The following STX1B variants were observed in gnomAD, a reference collection of about 807,000 sequenced individuals.
The protein encoded by STX1B is syntaxin 1B.
A neutral mutation model predicts 39.4 loss-of-function variants in STX1B; 7 were observed. The ratio of observed to expected loss-of-function variants is 0.18; its 90% confidence interval spans 0.10 to 0.33. The LOEUF (loss-of-function observed/expected upper bound fraction) is 0.33, where lower values mean the gene tolerates loss of function less well. Among genes scored for constraint, STX1B ranks in the 10% least tolerant of loss-of-function variants. The probability of loss-of-function intolerance (pLI) is 1.00; values close to 1 mark genes in which losing one functional copy is unlikely to be tolerated. For missense variants in STX1B, 198 were observed against 383.2 expected, an observed-to-expected ratio of 0.52 and a Z score of 4.04; for synonymous variants, 136 against 144.1, an observed-to-expected ratio of 0.94 and a Z score of 0.40.
intron 1 of STX1B, among the ~76,000 whole-genome samples, chr16:31,008,179 T>C (rs2056663760): frequency 6.6e-6 from 1 of 151,820 alleles, no homozygotes; most frequent in African/African-American, 2.4e-5. Context: ...GGCTCCTTGC[T>C]TTCAACTGTA....
chr16:31,002,062 C>G (rs2056632985), intron 1 of STX1B, among the ~76,000 whole-genome samples: 1 of 152,102 alleles, frequency 6.6e-6, no homozygotes, highest in East Asian at 1.9e-4. Context: ...CAGACATGTC[C>G]CCTGTGCAAG....
intron 7 of STX1B, among the ~76,000 whole-genome samples, chr16:30,994,892 C>CTTTTTTTTTTTTTTTTTTTTTTTTTTTTT (rs10524041): frequency 6.0e-5 from 6 of 99,822 alleles, no homozygotes; most frequent in South Asian, 2.8e-4. Flanking sequence ...GTCTCCCCGT[C>CTTTTTTTTTTTTTTTTTTTTTTTTTTTTT]TTTTTTTTTT....
chr16:30,992,954 G>T, intron 9 of STX1B, 53 bp from the exon 10 acceptor site: 1 of 1,494,950 alleles, frequency 6.7e-7, no homozygotes, highest in Middle Eastern at 1.7e-4. Flanking sequence ...ATCGACACAC[G>T]GACAGATGCA....
At chr16:30,994,522 C>T (rs564903499) in intron 7 of STX1B, among the ~76,000 whole-genome samples, 6 of 149,838 alleles carry the variant, frequency 4.0e-5, no homozygotes, top group South Asian at 2.1e-4. Flanking sequence ...CCCAGGAGGT[C>T]GAGGCTGCAG....
At chr16:31,002,643 A>C (rs77220844) in intron 1 of STX1B, among the ~76,000 whole-genome samples, 1 of 152,146 alleles carries the variant, frequency 6.6e-6, no homozygotes, top group South Asian at 2.1e-4. Context: ...GCTGTAGGGG[A>C]GGTGCCCTGT....
intron 1 of STX1B, among the ~76,000 whole-genome samples, chr16:31,003,424 T>G (rs905980282): frequency 6.6e-6 from 1 of 152,120 alleles, no homozygotes; most frequent in Non-Finnish European, 1.5e-5. Flanking sequence ...CTTCACTTTC[T>G]CTGTCCTCAA....
chr16:31,001,131 C>A lies in STX1B; in HGVS notation c.168G>T (p.Gln56His). The A allele has an allele frequency of 6.2e-7, 1 of 1,614,180 alleles. No homozygotes were observed. The highest frequency in any genetic ancestry group is 8.5e-7 in the Non-Finnish European group (1 of 1,180,032). ...TGGGTGCGGCCAGGATGGCGCTATGCTGTTTTTTCACCTGCTCCACATCCT... is the reference window on the plus strand; with the variant it reads ...TGGGTGCGGCCAGGATGGCGCTATGATGTTTTTTCACCTGCTCCACATCCT... ...LSEDVEQVKK[Q>H]HSAILAAPNP... The change falls in exon 3 of 10, where the codon CAG becomes CAT. Residue 56 changes from glutamine to histidine, a missense_variant. Gln to His is a conservative substitution (Grantham distance 24, BLOSUM62 0). Coordinates refer to ENST00000215095, the MANE Select transcript of STX1B (RefSeq NM_052874.5). The surrounding 1 kb of genome is among the most constrained non-coding windows in gnomAD (Gnocchi z 5.5).
rs186050757 is a variant in STX1B, at chr16:31,009,703, C to T, written c.30+664G>A. On this transcript the variant is annotated intron_variant, in intron 1 of 9. Transcript: ENST00000215095. ...CAGCCCTTGACTGCCCGGGGTGCCCCAGTTCCCCCAAGCAGAGCACGGCCC... is the reference window on the plus strand; with the variant it reads ...CAGCCCTTGACTGCCCGGGGTGCCCTAGTTCCCCCAAGCAGAGCACGGCCC... Among the ~76,000 whole-genome samples, 188 of 151,808 alleles carry T rather than the reference C, an allele frequency of 1.2e-3. 3 individuals carry two copies. In the East Asian group the frequency reaches 0.032, roughly 26 times the overall value.
At chr16:31,005,748 ACT>A (rs929457006) in intron 1 of STX1B, among the ~76,000 whole-genome samples, 1 of 151,976 alleles carries the variant, frequency 6.6e-6, no homozygotes, top group Non-Finnish European at 1.5e-5. Context: ...AAACTCAGGC[ACT>A]CTGCTCTACA....
In STX1B at chr16:30,993,400, T is replaced by A. The variant is rs1366750478; in HGVS notation, c.622A>T (p.Ile208Phe). 5 of 1,614,050 alleles carry A rather than the reference T, an allele frequency of 3.1e-6. No individual in the cohort carries two copies. Among genetic ancestry groups the A allele is most frequent in the Non-Finnish European group, 4.2e-6 (5 of 1,180,038 alleles). The stretch of plus-strand genomic sequence containing the variant: ...ACAAACATATCGTGCAGCTCGCGGA[T>A]GCTGGTCTCCAGCTTGATGATCTCA... ...HNEIIKLETS[I>F]RELHDMFVDM... Residue 208 changes from isoleucine to phenylalanine, a missense_variant, in exon 8 of 10, where the codon ATC (isoleucine) becomes TTC (phenylalanine). By Grantham distance (21) the Ile-to-Phe change is conservative. Coordinates refer to ENST00000215095, the MANE Select transcript of STX1B (RefSeq NM_052874.5).
At position 30,993,234 on chromosome 16, in the gene STX1B, T is replaced by G. The variant is rs768936456; in HGVS notation, c.682A>C (p.Met228Leu). The part of the protein sequence containing the change: ...MAMLVESQGE[M>L]IDRIEYNVEH... ...ACGTTGTACTCGATGCGGTCAATCATCTCTCCCTGCAGACAGAGGAGACAT... is the reference window on the plus strand; with the variant it reads ...ACGTTGTACTCGATGCGGTCAATCAGCTCTCCCTGCAGACAGAGGAGACAT... Residue 228 changes from methionine to leucine, a missense_variant, in exon 9 of 10, where the codon ATG (methionine) becomes CTG (leucine). Physicochemically the swap from Met to Leu is conservative, Grantham distance 15. Coordinates refer to ENST00000215095, the MANE Select transcript of STX1B (RefSeq NM_052874.5). The G allele has an allele frequency of 6.2e-7, 1 of 1,613,996 alleles. No individual in the cohort carries two copies.
intron 1 of STX1B, among the ~76,000 whole-genome samples, chr16:31,004,478 A>C (rs2056646408): frequency 6.6e-6 from 1 of 152,154 alleles, no homozygotes; most frequent in South Asian, 2.1e-4. Flanking sequence ...GTTCAAGACC[A>C]GCCTGGGCAA....
At chr16:30,997,773 G>C (rs941429291) in intron 4 of STX1B, among the ~76,000 whole-genome samples, 198 bp from the exon 5 acceptor site, 2 of 152,206 alleles carry the variant, frequency 1.3e-5, no homozygotes, top group East Asian at 3.8e-4. Context: ...CGTTTGAGGG[G>C]GTTCCGAAGG....
rs372960247 is a variant in STX1B, at chr16:30,998,483, C to A, written c.281-908G>T. On this transcript the variant is annotated intron_variant, in intron 4 of 9. Coordinates refer to ENST00000215095, the MANE Select transcript of STX1B (RefSeq NM_052874.5). ...TGGAATCGGCTGGCCCAGATTGGGG[C>A]CCGACTGTCAGCCTTGGGGCTGGGG... is the stretch of plus-strand genomic sequence containing the variant. Among the ~76,000 whole-genome samples the A allele has an allele frequency of 1.1e-3, 164 of 152,300 alleles. 3 individuals are homozygous for A. In the South Asian group the frequency reaches 0.032, roughly 30 times the overall value.
At chr16:30,993,788 C>A (rs1337634933) in intron 7 of STX1B, among the ~76,000 whole-genome samples, 1 of 141,010 alleles carries the variant, frequency 7.1e-6, no homozygotes, top group Non-Finnish European at 1.6e-5. Context: ...AGTTTGAGAC[C>A]AGCCTGGCCA....
Position 31,001,333 on chromosome 16 carries a change from T to TG in STX1B, c.106-141dup. The TG allele has an allele frequency of 1.1e-6, 1 of 903,446 alleles. No homozygotes were observed. Among genetic ancestry groups the TG allele is most frequent in the South Asian group, 1.5e-5 (1 of 67,962 alleles). The allele number at this position is 903,446 out of a possible 1,614,324, so 56.0% of individuals were successfully genotyped here. A position where few individuals can be genotyped will look rare whatever the true frequency, so the allele number is the denominator to read the frequency against. On this transcript the variant is annotated intron_variant, in intron 2 of 9. Transcript: ENST00000215095. This position sits in a 1 kb window ranked among gnomAD's most constrained non-coding sequence, Gnocchi z 5.5. ...CAGGGAGGGTGCAGGAGCAGGGAAG[T>TG]GGGGGACAGGGAAAAGGAAGTTGTC...
intron 1 of STX1B, among the ~76,000 whole-genome samples, chr16:31,002,926 G>A (rs72800841): frequency 0.18 from 27,847 of 152,078 alleles, 2,997 homozygotes; most frequent in Non-Finnish European, 0.24. Flanking sequence ...CCAGCGGAAC[G>A]CAGACAGGGC....
chr16:31,006,581 G>A (rs537685940), intron 1 of STX1B, among the ~76,000 whole-genome samples: 1 of 152,324 alleles, frequency 6.6e-6, no homozygotes, highest in South Asian at 2.1e-4. Context: ...AGGGAGATAA[G>A]CAGAAAGATG....
intron 7 of STX1B, among the ~76,000 whole-genome samples, chr16:30,995,493 CTTT>C (rs535108190): frequency 7.0e-6 from 1 of 143,782 alleles, no homozygotes. Flanking sequence ...TCCTTTCTTT[CTTT>C]TTTTTTTTTT....
Sources: gnomAD v4.1 joint callset for allele counts (sites outside exome capture counted in the v4.1 genomes callset) on GRCh38, gnomAD v4.1.1 for gene constraint, Gnocchi (gnomAD v3.1) non-coding constraint, MANE v1.5 for transcripts, NCBI Gene and HGNC (gene_info 2026-07-23, HGNC 2026-07-21) for gene names.